MTRF1: variants seen among roughly 807,000 people sequenced by gnomAD.
MTRF1 encodes peptide chain release factor 1, mitochondrial.
Under a neutral mutation model 62.9 loss-of-function variants are expected in MTRF1, and 51 were observed. The ratio of observed to expected loss-of-function variants is 0.81; its 90% CI spans 0.65 to 1.02. The LOEUF is 1.02. Among genes scored for constraint, MTRF1 ranks in the 50% least tolerant of loss-of-function variants. MTRF1 has a pLI of 0.00. For missense variants in MTRF1, 446 were observed against 530.0 expected, an observed-to-expected ratio of 0.84 and a Z score of 1.56; for synonymous variants, 158 against 181.9, an observed-to-expected ratio of 0.87 and a Z score of 1.06.
At chr13:41,289,763 C>G in the MTRF1 span, among the ~76,000 whole-genome samples, 1 of 152,202 alleles carries the variant, frequency 6.6e-6, no homozygotes, top group African/African-American at 2.4e-5. Flanking sequence ...AACCGCAAAG[C>G]CTGCAGCCGG....
chr13:41,288,447 T>C, the MTRF1 span: 2 of 171,596 alleles, frequency 1.2e-5, no homozygotes, highest in Non-Finnish European at 1.2e-5. Flanking sequence ...TCGTTGTCCA[T>C]GCCACCTCAC....
intron 5 of MTRF1, among the ~76,000 whole-genome samples, chr13:41,244,613 AC>A (rs2139007503): frequency 6.6e-6 from 1 of 152,262 alleles, no homozygotes; most frequent in African/African-American, 2.4e-5. Context: ...ATACTATGTC[AC>A]CTTCCGAGGT....
the MTRF1 span, among the ~76,000 whole-genome samples, chr13:41,304,177 C>T: frequency 6.6e-6 from 1 of 152,194 alleles, no homozygotes; most frequent in Non-Finnish European, 1.5e-5. Context: ...GGGTGGTCTA[C>T]TGTGTGAAAT....
At chr13:41,270,535 C>T in the MTRF1 span, among the ~76,000 whole-genome samples, 1 of 152,140 alleles carries the variant, frequency 6.6e-6, no homozygotes, top group Admixed American at 6.6e-5. Flanking sequence ...TAACCTGTCT[C>T]ACTACCCTAG....
At position 41,260,720 on chromosome 13, in the gene MTRF1, T is replaced by C; in HGVS notation, c.188A>G (p.His63Arg). 2.5e-6 allele frequency: 4 copies of C among 1,614,216 alleles called. No individual in the cohort carries two copies. The highest frequency in any genetic ancestry group is 3.4e-6 in the Non-Finnish European group (4 of 1,180,026). ...CTTCCAGAGCATCTTGGTGTCTTGA[T>C]GGCAATATCTCCTGGACCAATTCTT... Reference protein sequence around the residue: ...LSKNWSRRYCHQDTKMLWKHK... With the variant: ...LSKNWSRRYCRQDTKMLWKHK... Residue 63 changes from histidine to arginine, a missense_variant, in exon 2 of 10, where the codon CAT (histidine) becomes CGT (arginine). Physicochemically the swap from His to Arg is conservative, Grantham distance 29 (BLOSUM62 0). Transcript: ENST00000379480.
At chr13:41,268,378 G>T (rs549135043), upstream of MTRF1, among the ~76,000 whole-genome samples, 1 of 152,088 alleles carries the variant, frequency 6.6e-6, no homozygotes, top group Non-Finnish European at 1.5e-5. Flanking sequence ...ATTTTAGAAA[G>T]TTTGTCAAAT....
chr13:41,226,190 GA>G (rs2034398008), intron 8 of MTRF1, among the ~76,000 whole-genome samples: 1 of 152,120 alleles, frequency 6.6e-6, no homozygotes, highest in African/African-American at 2.4e-5. Context: ...ACACAAGAGG[GA>G]AACAACTAGG....
intron 2 of MTRF1, among the ~76,000 whole-genome samples, chr13:41,255,389 G>A (rs879890809): frequency 6.6e-6 from 1 of 151,964 alleles, no homozygotes; most frequent in African/African-American, 2.4e-5. Context: ...GCTTAGTACG[G>A]TACTTTAAAA....
intron 6 of MTRF1, chr13:41,235,834 G>GACAGACACACACACAC (rs2036406700): frequency 8.7e-6 from 1 of 114,622 alleles, no homozygotes; most frequent in African/African-American, 3.5e-5. Context: ...CTTATACACA[G>GACAGACACACACACAC]ACACAGACAC....
Position 41,254,479 on chromosome 13 carries a change from G to T in MTRF1, c.507+50C>A, listed in dbSNP as rs1489699036. On this transcript the variant is annotated intron_variant, in intron 3 of 9. Transcript: ENST00000379480. ...ACCGAAGCAGAGTCTAGCAAAAACA[G>T]CATTCCTTTATACAGCACTATTGAA... 5 of 1,362,654 alleles carry T rather than the reference G, an allele frequency of 3.7e-6. No homozygotes were observed. In the African/African-American group the frequency reaches 5.8e-5, roughly 16 times the overall value. The allele number at this position is 1,362,654 out of a possible 1,614,324, so 84.4% of individuals were successfully genotyped here.
At chr13:41,266,867 C>T (rs1430700496), upstream of MTRF1, among the ~76,000 whole-genome samples, 8 of 151,774 alleles carry the variant, frequency 5.3e-5, no homozygotes, top group Non-Finnish European at 8.8e-5. Context: ...TGGTGGCAGG[C>T]GCCTGTAGTC....
At chr13:41,217,356 TACAATGA>T in intron 9 of MTRF1, 128 bp from the exon 10 acceptor site, 1 of 518,014 alleles carries the variant, frequency 1.9e-6, no homozygotes, top group Non-Finnish European at 3.5e-6. Context: ...TGTTCTGTAA[TACAATGA>T]ACACAATCGC....
At chr13:41,243,827 T>G (rs2037867378) in intron 5 of MTRF1, among the ~76,000 whole-genome samples, 1 of 152,238 alleles carries the variant, frequency 6.6e-6, no homozygotes, top group Non-Finnish European at 1.5e-5. Context: ...TATATTACAC[T>G]ACACACCTAA....
chr13:41,247,952 A>G (rs917068576), intron 5 of MTRF1, among the ~76,000 whole-genome samples: 1 of 152,150 alleles, frequency 6.6e-6, no homozygotes, highest in Admixed American at 6.5e-5. Flanking sequence ...ACATTTTTGA[A>G]TGTCCTAGAA....
chr13:41,225,480 A>G (rs906954094), intron 8 of MTRF1, among the ~76,000 whole-genome samples: 1 of 152,156 alleles, frequency 6.6e-6, no homozygotes, highest in Non-Finnish European at 1.5e-5. Flanking sequence ...AATAGTGTTA[A>G]TATTATTTAT....
chr13:41,270,509 A>G, the MTRF1 span, among the ~76,000 whole-genome samples: 1 of 152,182 alleles, frequency 6.6e-6, no homozygotes. Flanking sequence ...TTTCTCTTAT[A>G]CTTTCAAATT....
the MTRF1 span, among the ~76,000 whole-genome samples, chr13:41,293,874 G>A: frequency 6.6e-6 from 1 of 152,072 alleles, no homozygotes; most frequent in South Asian, 2.1e-4. Flanking sequence ...TTGTGTTATA[G>A]GGAAACATGT....
the MTRF1 span, among the ~76,000 whole-genome samples, chr13:41,274,979 A>G: frequency 6.6e-6 from 1 of 152,122 alleles, no homozygotes; most frequent in Admixed American, 6.5e-5. Context: ...TTATTATAGC[A>G]TTCTGTTTTT....
chr13:41,293,305 C>CT, the MTRF1 span, among the ~76,000 whole-genome samples: 3 of 152,034 alleles, frequency 2.0e-5, no homozygotes, highest in African/African-American at 7.2e-5. Flanking sequence ...ATCCTAATGG[C>CT]TTTTAGTTTT....
Sources: allele counts gnomAD v4.1 joint callset (sites outside exome capture counted in the v4.1 genomes callset), GRCh38; gene constraint gnomAD v4.1.1; transcripts MANE v1.5; gene names NCBI Gene and HGNC (gene_info 2026-07-23, HGNC 2026-07-21).